CDH22: variants seen among roughly 807,000 people sequenced by gnomAD.
CDH22 encodes cadherin 22, also known as cadherin-22.
In CDH22, 30 loss-of-function variants were observed where a neutral mutation model predicts 58.4. That is an observed-to-expected ratio of 0.51 (90% CI 0.38 to 0.70). CDH22 has a LOEUF of 0.70. Ranked by LOEUF, CDH22 falls within the 30% of genes least tolerant of loss-of-function variation. CDH22 has a pLI of 0.00. For synonymous variants in CDH22, 513 were observed against 558.2 expected, an observed-to-expected ratio of 0.92 and a Z score of 1.14; for missense variants, 1,014 against 1,233.9, an observed-to-expected ratio of 0.82 and a Z score of 2.67.
At chr20:46,242,291 T>G (rs1281347660) in intron 2 of CDH22, among the ~76,000 whole-genome samples, 3 of 152,212 alleles carry the variant, frequency 2.0e-5, no homozygotes, top group Admixed American at 6.5e-5. Context: ...CTGGTCTGAC[T>G]CCACACTGGG....
chr20:46,306,281 T>C (rs549065496), intron 1 of CDH22, among the ~76,000 whole-genome samples: 1 of 152,360 alleles, frequency 6.6e-6, no homozygotes, highest in East Asian at 1.9e-4. Context: ...GATGCCTGGG[T>C]TCCTATTCCG....
intron 1 of CDH22, among the ~76,000 whole-genome samples, chr20:46,301,060 C>A (rs866929586): frequency 6.6e-5 from 10 of 152,054 alleles, no homozygotes; most frequent in Admixed American, 4.6e-4. Context: ...ATGTATAAAG[C>A]AAGATGCCAT....
intron 3 of CDH22, 70 bp from the exon 4 acceptor site, chr20:46,227,697 A>G: frequency 1.3e-6 from 2 of 1,529,942 alleles, no homozygotes; most frequent in Non-Finnish European, 1.8e-6. Flanking sequence ...ACTTCGCCTC[A>G]CCCCAGGGAA....
intron 1 of CDH22, among the ~76,000 whole-genome samples, chr20:46,252,898 G>A (rs554396019): frequency 6.6e-6 from 1 of 152,350 alleles, no homozygotes; most frequent in South Asian, 2.1e-4. Context: ...AGGGAAAGTA[G>A]GCGGGAGACA....
chr20:46,222,020 C>T (rs1386812806), intron 4 of CDH22, among the ~76,000 whole-genome samples: 1 of 152,180 alleles, frequency 6.6e-6, no homozygotes, highest in Non-Finnish European at 1.5e-5. Context: ...CTTCTTTCCA[C>T]CATTTACATG....
chr20:46,236,692 T>TAGAGAG (rs74174558), intron 3 of CDH22, among the ~76,000 whole-genome samples: 5 of 144,102 alleles, frequency 3.5e-5, no homozygotes, highest in African/African-American at 5.2e-5. Context: ...TATATATACA[T>TAGAGAG]AGAGAGAGAG....
intron 2 of CDH22, among the ~76,000 whole-genome samples, chr20:46,246,332 G>T (rs2086328641): frequency 6.6e-6 from 1 of 152,112 alleles, no homozygotes. Flanking sequence ...AATTAAATCT[G>T]CTCTCCTCCC....
intron 10 of CDH22, among the ~76,000 whole-genome samples, chr20:46,179,977 G>A (rs1349626561): frequency 6.6e-6 from 1 of 152,154 alleles, no homozygotes; most frequent in African/African-American, 2.4e-5. Flanking sequence ...CCAGCTAAAT[G>A]TCACCTCCTT....
At chr20:46,296,322 T>C (rs924306740) in intron 1 of CDH22, among the ~76,000 whole-genome samples, 5 of 152,230 alleles carry the variant, frequency 3.3e-5, no homozygotes, top group Admixed American at 2.6e-4. Context: ...ATTATCTCGT[T>C]CATTCCAGCA....
intron 7 of CDH22, among the ~76,000 whole-genome samples, chr20:46,202,161 G>A (rs1232095297): frequency 1.3e-5 from 2 of 152,046 alleles, no homozygotes; most frequent in Admixed American, 6.6e-5. Flanking sequence ...GGGGAAGCAG[G>A]GGTGAATTCC....
intron 8 of CDH22, among the ~76,000 whole-genome samples, chr20:46,192,068 C>G (rs1471717938): frequency 2.0e-5 from 3 of 152,150 alleles, no homozygotes; most frequent in Non-Finnish European, 4.4e-5. Flanking sequence ...ATGCCACTTC[C>G]CTGCCTTATT....
chr20:46,303,122 G>A (rs1044114348), intron 1 of CDH22, among the ~76,000 whole-genome samples: 9 of 152,288 alleles, frequency 5.9e-5, no homozygotes, highest in Middle Eastern at 3.4e-3. Flanking sequence ...CAAGACCCAC[G>A]GGACCTGGCT....
chr20:46,228,160 C>T (rs565268331), intron 3 of CDH22, among the ~76,000 whole-genome samples: 5 of 150,318 alleles, frequency 3.3e-5, no homozygotes, highest in African/African-American at 7.6e-5. Flanking sequence ...CTCCTCTCCC[C>T]GCATGATGGT....
intron 4 of CDH22, among the ~76,000 whole-genome samples, chr20:46,222,172 C>G (rs557342827): frequency 9.2e-5 from 14 of 152,314 alleles, no homozygotes; most frequent in African/African-American, 3.4e-4. Context: ...TTTGGAGATG[C>G]CTTGCTGATC....
At chr20:46,249,077 A>C (rs2086351508) in intron 2 of CDH22, among the ~76,000 whole-genome samples, 1 of 152,210 alleles carries the variant, frequency 6.6e-6, no homozygotes, top group Admixed American at 6.5e-5. Flanking sequence ...AATCTTCAAC[A>C]ACCTTAGGAA....
At chr20:46,299,328 C>T (rs1455523111) in intron 1 of CDH22, among the ~76,000 whole-genome samples, 1 of 152,224 alleles carries the variant, frequency 6.6e-6, no homozygotes, top group Non-Finnish European at 1.5e-5. Context: ...AATACTGCCT[C>T]CCCCACGAAG....
chr20:46,202,955 G>A (rs2085972649), intron 7 of CDH22, among the ~76,000 whole-genome samples: 1 of 152,234 alleles, frequency 6.6e-6, no homozygotes, highest in Non-Finnish European at 1.5e-5. Context: ...GATGCCAACT[G>A]CCTTCTTGTT....
chr20:46,307,644 G>A (rs1600733453), intron 1 of CDH22, among the ~76,000 whole-genome samples: 1 of 152,184 alleles, frequency 6.6e-6, no homozygotes. Flanking sequence ...CCGCCTCCCC[G>A]GCTCAGAGGG....
Position 46,236,288 on chromosome 20 carries a change from C to A in CDH22, c.550+4675G>T, listed in dbSNP as rs1053798105. On this transcript the variant is annotated intron_variant, in intron 3 of 11. Transcript: ENST00000537909. The stretch of plus-strand genomic sequence containing the variant: ...AGCCCTCCAGGTAATGTGGATGCAC[C>A]AAAGAGTTTGAAAACCACTGTTTCA... Among the ~76,000 whole-genome samples the A allele has an allele frequency of 1.7e-4, 26 of 151,764 alleles. 1 individual carries two copies. Among genetic ancestry groups the A allele is most frequent in the African/African-American group, 6.0e-4 (25 of 41,340 alleles).
Sources: allele counts gnomAD v4.1 joint callset (sites outside exome capture counted in the v4.1 genomes callset), GRCh38; gene constraint gnomAD v4.1.1; transcripts MANE v1.5; gene names NCBI Gene and HGNC (gene_info 2026-07-23, HGNC 2026-07-21).